HDAC9: variants seen among roughly 807,000 people sequenced by gnomAD.
HDAC9 encodes MEF-2 interacting transcription repressor (MITR) protein.
HDAC9 carries 41 observed loss-of-function variants against 139.4 expected under a neutral mutation model. The ratio of observed to expected loss-of-function variants is 0.29; its 90% CI spans 0.23 to 0.38. The LOEUF is 0.38. Among genes scored for constraint, HDAC9 ranks in the 10% least tolerant of loss-of-function variants. The probability of loss-of-function intolerance (pLI) is 1.00; values close to 1 mark genes in which losing one functional copy is unlikely to be tolerated. For missense variants in HDAC9, 1,147 were observed against 1,297.0 expected (o/e 0.88, Z 1.78); for synonymous variants, 517 against 476.2 (o/e 1.09, Z -1.12).
At chr7:18,916,419 C>G (rs1803213815) in intron 22 of HDAC9, among the ~76,000 whole-genome samples, 1 of 151,176 alleles carries the variant, frequency 6.6e-6, no homozygotes, top group African/African-American at 2.5e-5. Context: ...GTGTTTTGCT[C>G]AAAATAATAC....
chr7:18,180,581 G>A (rs574035416), intron 2 of HDAC9, among the ~76,000 whole-genome samples: 2 of 152,194 alleles, frequency 1.3e-5, no homozygotes, highest in African/African-American at 4.8e-5. Context: ...AGGTAGCAGA[G>A]TAAATTGGAA....
intron 2 of HDAC9, among the ~76,000 whole-genome samples, chr7:18,205,291 A>C (rs972402939): frequency 1.3e-5 from 2 of 151,996 alleles, no homozygotes; most frequent in African/African-American, 4.8e-5. Flanking sequence ...TAGATATAAA[A>C]ATATTTTTAA....
chr7:18,218,976 G>T (rs1191236168), intron 2 of HDAC9, among the ~76,000 whole-genome samples: 1 of 152,076 alleles, frequency 6.6e-6, no homozygotes, highest in East Asian at 1.9e-4. Flanking sequence ...TACACATAAT[G>T]TCAAAATATT....
At chr7:18,439,107 C>T (rs998767653) in intron 1 of HDAC9, among the ~76,000 whole-genome samples, 1 of 152,094 alleles carries the variant, frequency 6.6e-6, no homozygotes, top group African/African-American at 2.4e-5. Flanking sequence ...CTTACATTAT[C>T]TTTATTTATC....
intron 2 of HDAC9, among the ~76,000 whole-genome samples, chr7:18,570,469 T>C (rs1823909105): frequency 6.6e-6 from 1 of 152,234 alleles, no homozygotes; most frequent in African/African-American, 2.4e-5. Context: ...TGTAATATTA[T>C]TTTAACAAAA....
intron 5 of HDAC9, among the ~76,000 whole-genome samples, chr7:18,592,629 T>C (rs570246972): frequency 4.6e-5 from 7 of 152,188 alleles, no homozygotes; most frequent in South Asian, 2.1e-4. Context: ...AATGTACTTA[T>C]AAGGCTATTT....
At chr7:18,708,379 G>C (rs1784095038) in intron 12 of HDAC9, among the ~76,000 whole-genome samples, 1 of 152,172 alleles carries the variant, frequency 6.6e-6, no homozygotes, top group African/African-American at 2.4e-5. Flanking sequence ...TTAACAAACA[G>C]CACGTATTTG....
At chr7:18,179,186 C>G (rs1235376291) in intron 2 of HDAC9, among the ~76,000 whole-genome samples, 1 of 152,230 alleles carries the variant, frequency 6.6e-6, no homozygotes, top group East Asian at 1.9e-4. Context: ...TGAGGAACCA[C>G]CTTGGGTAGG....
intron 1 of HDAC9, among the ~76,000 whole-genome samples, chr7:18,441,908 C>T (rs1426460478): frequency 1.3e-5 from 2 of 152,080 alleles, no homozygotes; most frequent in African/African-American, 2.4e-5. Context: ...GCTGGGACTA[C>T]GGGCGCCCGC....
At chr7:18,459,933 C>G (rs951204333) in intron 1 of HDAC9, among the ~76,000 whole-genome samples, 1 of 150,488 alleles carries the variant, frequency 6.6e-6, no homozygotes, top group Non-Finnish European at 1.5e-5. Flanking sequence ...AAATGTTAGC[C>G]TACAGATTTG....
At chr7:18,849,719 A>T (rs941170764) in intron 21 of HDAC9, among the ~76,000 whole-genome samples, 3 of 152,168 alleles carry the variant, frequency 2.0e-5, no homozygotes, top group East Asian at 1.9e-4. Context: ...ATACTTGTTT[A>T]TGTCAAAAAG....
At chr7:18,523,466 A>T (rs189145721) in intron 2 of HDAC9, among the ~76,000 whole-genome samples, 1 of 152,324 alleles carries the variant, frequency 6.6e-6, no homozygotes, top group East Asian at 1.9e-4. Context: ...CCACATTCAT[A>T]ACTGGGTAGA....
intron 2 of HDAC9, among the ~76,000 whole-genome samples, chr7:18,579,942 T>G (rs1348431265): frequency 3.3e-5 from 5 of 152,280 alleles, no homozygotes; most frequent in Non-Finnish European, 4.4e-5. Context: ...CTTAAAACAT[T>G]AAAATGGTTG....
chr7:18,351,722 T>C (rs150768354), intron 1 of HDAC9, among the ~76,000 whole-genome samples: 1 of 152,332 alleles, frequency 6.6e-6, no homozygotes, highest in African/African-American at 2.4e-5. Context: ...ATAGCTGTTG[T>C]GATTATTAAA....
intron 14 of HDAC9, among the ~76,000 whole-genome samples, chr7:18,751,390 A>G (rs1324359527): frequency 1.3e-5 from 2 of 152,170 alleles, no homozygotes; most frequent in African/African-American, 2.4e-5. Context: ...AAACATGGCA[A>G]CAATGCAAAT....
At chr7:18,571,195 A>G (rs889649874) in intron 2 of HDAC9, among the ~76,000 whole-genome samples, 6 of 152,274 alleles carry the variant, frequency 3.9e-5, no homozygotes, top group African/African-American at 1.4e-4. Context: ...AATTGTATGT[A>G]CAAAGTATAA....
intron 2 of HDAC9, among the ~76,000 whole-genome samples, chr7:18,505,099 G>A (rs1033788655): frequency 7.9e-5 from 12 of 152,286 alleles, no homozygotes; most frequent in African/African-American, 2.9e-4. Context: ...ATCCAGGGCT[G>A]AGAGGAGCTT....
At chr7:18,272,943 A>G (rs946638569) in intron 2 of HDAC9, among the ~76,000 whole-genome samples, 4 of 149,122 alleles carry the variant, frequency 2.7e-5, no homozygotes, top group Non-Finnish European at 4.4e-5. Context: ...TACTACTACT[A>G]CTACTACTAC....
At chr7:18,175,617 G>T (rs1303706429) in intron 2 of HDAC9, among the ~76,000 whole-genome samples, 1 of 152,164 alleles carries the variant, frequency 6.6e-6, no homozygotes. Context: ...GTTTTATAAT[G>T]CATGCCTATG....
Sources: allele counts gnomAD v4.1 joint callset (sites outside exome capture counted in the v4.1 genomes callset), GRCh38; gene constraint gnomAD v4.1.1; transcripts MANE v1.5; gene names NCBI Gene and HGNC (gene_info 2026-07-23, HGNC 2026-07-21).